Variants in GPR141 observed in about 807,000 individuals in gnomAD.
The protein encoded by GPR141 is probable G protein-coupled receptor 141.
GPR141 carries 6 observed loss-of-function variants against 6.8 expected under a neutral mutation model. The observed-to-expected ratio is 0.88, with a 90% CI of 0.48 to 1.74. The LOEUF is 1.74. GPR141 is among the 40% of genes most tolerant of loss of function. The pLI is 0.01. For missense variants in GPR141, 372 were observed against 372.9 expected, an observed-to-expected ratio of 1.00 and a Z score of 0.02; for synonymous variants, 140 against 142.3, an observed-to-expected ratio of 0.98 and a Z score of 0.11.
At chr7:37,722,451 G>A (rs1445587976) in intron 2 of GPR141, among the ~76,000 whole-genome samples, 2 of 150,114 alleles carry the variant, frequency 1.3e-5, no homozygotes, top group African/African-American at 2.4e-5. Context: ...GCCGGGCACA[G>A]TAGCTCACCC....
chr7:37,728,830 G>T (rs1811765564), intron 2 of GPR141, among the ~76,000 whole-genome samples: 1 of 152,148 alleles, frequency 6.6e-6, no homozygotes, highest in South Asian at 2.1e-4. Flanking sequence ...GCAGAGGCTT[G>T]TTTAGAGCTA....
At chr7:37,719,606 C>T (rs1039458460) in intron 2 of GPR141, among the ~76,000 whole-genome samples, 3 of 152,026 alleles carry the variant, frequency 2.0e-5, no homozygotes, top group Admixed American at 1.3e-4. Flanking sequence ...CACACGTCTG[C>T]GAATTATGAG....
chr7:37,701,220 A>C (rs1810265538), intron 2 of GPR141, among the ~76,000 whole-genome samples: 3 of 152,246 alleles, frequency 2.0e-5, no homozygotes, highest in Admixed American at 2.0e-4. Context: ...ATTTTTCCTA[A>C]GTCTCTTTCT....
At chr7:37,699,041 T>C (rs974633479) in intron 2 of GPR141, among the ~76,000 whole-genome samples, 1 of 152,228 alleles carries the variant, frequency 6.6e-6, no homozygotes, top group Non-Finnish European at 1.5e-5. Flanking sequence ...AGCTGTGCTT[T>C]GGGCACCATT....
At chr7:37,727,585 A>G (rs1811696726) in intron 2 of GPR141, among the ~76,000 whole-genome samples, 1 of 152,192 alleles carries the variant, frequency 6.6e-6, no homozygotes, top group Non-Finnish European at 1.5e-5. Context: ...CTAATGTGTC[A>G]TTAGCTCTCC....
chr7:37,710,808 T>G (rs146032420), intron 2 of GPR141, among the ~76,000 whole-genome samples: 1 of 152,202 alleles, frequency 6.6e-6, no homozygotes, highest in African/African-American at 2.4e-5. Flanking sequence ...ATATTTTGAT[T>G]GCTATTTACT....
At chr7:37,735,295 T>G (rs1812176759) in intron 2 of GPR141, among the ~76,000 whole-genome samples, 1 of 152,242 alleles carries the variant, frequency 6.6e-6, no homozygotes, top group Admixed American at 6.5e-5. Context: ...AATTCAGAGC[T>G]GAGAATCCAA....
At chr7:37,693,931 G>A (rs141947991) in intron 2 of GPR141, among the ~76,000 whole-genome samples, 2 of 152,280 alleles carry the variant, frequency 1.3e-5, no homozygotes, top group East Asian at 1.9e-4. Flanking sequence ...TTCCCAAGGG[G>A]CAATGAGCCA....
chr7:37,693,648 C>A (rs1809883806), intron 2 of GPR141, among the ~76,000 whole-genome samples: 1 of 152,062 alleles, frequency 6.6e-6, no homozygotes, highest in Non-Finnish European at 1.5e-5. Flanking sequence ...ACAGTGGCAG[C>A]AAGTACCCCA....
intron 2 of GPR141, among the ~76,000 whole-genome samples, chr7:37,693,967 C>G (rs1449156422): frequency 6.6e-6 from 1 of 152,172 alleles, no homozygotes; most frequent in Non-Finnish European, 1.5e-5. Context: ...GAAGGCATGA[C>G]TAGTCTGGAT....
intron 2 of GPR141, among the ~76,000 whole-genome samples, chr7:37,691,291 T>TTC (rs1809754889): frequency 2.0e-5 from 1 of 48,852 alleles, no homozygotes; most frequent in African/African-American, 1.1e-4. Context: ...CTATATCCTT[T>TTC]TTTTTTTTTT....
chr7:37,702,576 A>G (rs1283681045), intron 2 of GPR141, among the ~76,000 whole-genome samples: 2 of 151,960 alleles, frequency 1.3e-5, no homozygotes, highest in African/African-American at 2.4e-5. Context: ...CTCGGAACAC[A>G]TAGACAGAAA....
chr7:37,702,813 A>AT (rs1191420254), intron 2 of GPR141, among the ~76,000 whole-genome samples: 79 of 118,476 alleles, frequency 6.7e-4, no homozygotes, highest in South Asian at 9.8e-4. Flanking sequence ...ATTCAAAAAA[A>AT]AAAATAAATA....
chr7:37,698,144 C>T (rs1396169545), intron 2 of GPR141, among the ~76,000 whole-genome samples: 2 of 152,166 alleles, frequency 1.3e-5, no homozygotes, highest in African/African-American at 4.8e-5. Context: ...AAGAAACAAG[C>T]ACACCTGCCA....
chr7:37,712,092 C>T (rs1160498553), intron 2 of GPR141, among the ~76,000 whole-genome samples: 1 of 152,156 alleles, frequency 6.6e-6, no homozygotes, highest in Non-Finnish European at 1.5e-5. Flanking sequence ...TTCTCATCTC[C>T]CGTTACTTGA....
rs2131872652 is a variant in GPR141, at chr7:37,741,006, A to G, written c.613A>G (p.Met205Val). 6.2e-7 allele frequency: 1 copy of G among 1,614,074 alleles called. No homozygotes were observed. Among genetic ancestry groups the G allele is most frequent in the East Asian group, 2.2e-5 (1 of 44,888 alleles). ...GTTGGTCTTCCAGGTCTTCATCATT[A>G]TGTTGATGGTGCAGAAGCTACGCCA... The part of the protein sequence containing the change: ...ILLVFQVFII[M>V]LMVQKLRHSL... The change falls in exon 3 of 3, where the codon ATG becomes GTG. Residue 205 changes from methionine (M) to valine (V), a missense_variant. Physicochemically the swap from Met to Val is conservative, Grantham distance 21. Transcript: ENST00000334425.
rs756463577 is a variant in GPR141 at position 37,740,664 on chromosome 7, G to C, written c.271G>C (p.Val91Leu). 1 of 1,613,966 alleles carries C rather than the reference G, an allele frequency of 6.2e-7. No homozygotes were observed. Among genetic ancestry groups the C allele is most frequent in the Non-Finnish European group, 8.5e-7 (1 of 1,180,018 alleles). The part of the protein sequence containing the change: ...WMFGLPFCKF[V>L]SAMLHIHMYL... ...GTTTGGGCTGCCCTTCTGCAAATTT[G>C]TGAGTGCCATGCTGCACATCCACAT... The change falls in exon 3 of 3, where the codon GTG becomes CTG. Residue 91 changes from valine to leucine, a missense_variant. Coordinates refer to ENST00000334425, the MANE Select transcript of GPR141 (RefSeq NM_001381946.1).
chr7:37,733,594 G>C (rs1583575580), intron 2 of GPR141, among the ~76,000 whole-genome samples: 1 of 149,130 alleles, frequency 6.7e-6, no homozygotes, highest in Non-Finnish European at 1.5e-5. Context: ...ATCACTTGAA[G>C]CCGGGAGGCG....
rs1374223051 is a variant in GPR141 at position 37,740,091 on chromosome 7, C to T, written c.-14-289C>T. On this transcript the variant is annotated intron_variant, in intron 2 of 2. Coordinates refer to ENST00000334425, the MANE Select transcript of GPR141 (RefSeq NM_001381946.1). ...GTACTAGCTCCAGATGGTCTGCAATCCTCCTGAAGTTTTATGTAAATTGTC... is the reference window on the plus strand; with the variant it reads ...GTACTAGCTCCAGATGGTCTGCAATTCTCCTGAAGTTTTATGTAAATTGTC... Among the ~76,000 whole-genome samples the T allele has an allele frequency of 5.3e-5, 8 of 152,244 alleles. No homozygotes were observed. The South Asian group carries it at 1.0e-3, about 20-fold the overall frequency.
Sources: allele counts gnomAD v4.1 joint callset (sites outside exome capture counted in the v4.1 genomes callset), GRCh38; gene constraint gnomAD v4.1.1; transcripts MANE v1.5; gene names NCBI Gene and HGNC (gene_info 2026-07-23, HGNC 2026-07-21).